PTPRD: variants seen among roughly 807,000 people sequenced by gnomAD.
The protein encoded by PTPRD is receptor-type tyrosine-protein phosphatase delta.
PTPRD carries 34 observed loss-of-function variants against 214.5 expected under a neutral mutation model. The observed-to-expected ratio is 0.16, with a 90% CI of 0.12 to 0.21. The LOEUF (loss-of-function observed/expected upper bound fraction) is 0.21. PTPRD is among the 10% of genes least tolerant of loss of function. PTPRD has a pLI of 1.00. For missense variants in PTPRD, 2,545 were observed against 2,398.7 expected (o/e 1.06, Z -1.27); for synonymous variants, 1,128 against 845.7 (o/e 1.33, Z -5.79).
In PTPRD at chr9:9,192,734, T is replaced by C. The variant is rs1008808111; in HGVS notation, c.-202-9371A>G. On this transcript the variant is annotated intron_variant, in intron 9 of 45. Coordinates refer to ENST00000381196, the MANE Select transcript of PTPRD (RefSeq NM_002839.4). ...CCTTTTTCCATGACTGATAAGAAAA[T>C]GAAGGCTAGATACAGATTTGGGAAA... Among the ~76,000 whole-genome samples the C allele has an allele frequency of 1.1e-4, 16 of 151,954 alleles. No individual in the cohort carries two copies. In the East Asian group the frequency reaches 3.1e-3, roughly 30 times the overall value.
intron 11 of PTPRD, among the ~76,000 whole-genome samples, chr9:9,009,761 A>G (rs1264662555): frequency 6.6e-6 from 1 of 152,072 alleles, no homozygotes. Context: ...ACATCTAGGC[A>G]TAAAGCATTT....
chr9:10,436,313 A>G (rs2098717221), intron 2 of PTPRD, among the ~76,000 whole-genome samples: 1 of 151,770 alleles, frequency 6.6e-6, no homozygotes, highest in South Asian at 2.1e-4. Context: ...CAGTGTCCAC[A>G]TTAGCATTAG....
rs76032048 is a variant in PTPRD at position 10,137,701 on chromosome 9, TAAAAAAAA to T, written c.-544-103919_-544-103912del. Among the ~76,000 whole-genome samples, 3 of 72,040 alleles carry T rather than the reference TAAAAAAAA, an allele frequency of 4.2e-5. 1 individual carries two copies. Among genetic ancestry groups the T allele is most frequent in the African/African-American group, 1.9e-4 (3 of 15,944 alleles). The allele number at this position is 72,040 out of a possible 152,430, so 47.3% of individuals were successfully genotyped here. ...ATGTACCCTAAAACTTAGAGTATAATAAAAAAAAAAAAAAAAAAAAGAAATCATAACCA... is the reference window on the plus strand; with the variant it reads ...ATGTACCCTAAAACTTAGAGTATAATAAAAAAAAAAAAGAAATCATAACCA... On this transcript the variant is annotated intron_variant, in intron 3 of 45. Transcript: ENST00000381196.
chr9:9,587,876 G>C (rs1013670010), intron 7 of PTPRD, among the ~76,000 whole-genome samples: 1 of 151,970 alleles, frequency 6.6e-6, no homozygotes, highest in African/African-American at 2.4e-5. Context: ...GGAGGATAAA[G>C]AGAGGTTGAT....
chr9:10,308,396 T>G (rs2096156559), intron 3 of PTPRD, among the ~76,000 whole-genome samples: 1 of 152,036 alleles, frequency 6.6e-6, no homozygotes, highest in Non-Finnish European at 1.5e-5. Flanking sequence ...AATTCTTGGT[T>G]ATATTTTCCA....
intron 9 of PTPRD, among the ~76,000 whole-genome samples, chr9:9,311,514 T>G (rs996480428): frequency 6.6e-6 from 1 of 152,178 alleles, no homozygotes; most frequent in Admixed American, 6.5e-5. Flanking sequence ...AATCCTGAAT[T>G]ACATTAACAG....
At chr9:9,823,033 A>C (rs537880396) in intron 5 of PTPRD, among the ~76,000 whole-genome samples, 18 of 152,296 alleles carry the variant, frequency 1.2e-4, no homozygotes, top group African/African-American at 4.1e-4. Context: ...TTATTGCAGC[A>C]CTATTCACAA....
chr9:9,475,126 A>T (rs1270700817), intron 8 of PTPRD, among the ~76,000 whole-genome samples: 1 of 152,224 alleles, frequency 6.6e-6, no homozygotes, highest in East Asian at 1.9e-4. Context: ...GGTTCTCTTA[A>T]CATAGTTTCT....
chr9:9,362,918 G>C (rs1415010942), intron 9 of PTPRD, among the ~76,000 whole-genome samples: 1 of 151,218 alleles, frequency 6.6e-6, no homozygotes, highest in African/African-American at 2.4e-5. Flanking sequence ...TTGGTGTAAA[G>C]AGTGGTCAGT....
intron 11 of PTPRD, chr9:8,858,093 CCCTCCTCCT>C (rs773178175): frequency 3.0e-4 from 49 of 162,862 alleles, no homozygotes; most frequent in Middle Eastern, 2.3e-3. Context: ...TGTCTCCTCC[CCCTCCTCCT>C]CCTCCTCCTC....
At chr9:10,348,141 C>A (rs2097121866) in intron 2 of PTPRD, among the ~76,000 whole-genome samples, 1 of 152,140 alleles carries the variant, frequency 6.6e-6, no homozygotes, top group South Asian at 2.1e-4. Flanking sequence ...TTATGTCAAA[C>A]CTTATATTTG....
chr9:10,350,552 A>G (rs1018758049), intron 2 of PTPRD, among the ~76,000 whole-genome samples: 1 of 152,172 alleles, frequency 6.6e-6, no homozygotes, highest in African/African-American at 2.4e-5. Flanking sequence ...TACAATATAC[A>G]AAACATATTG....
chr9:8,936,437 A>AAAAAAAAAAAAAAAAAAAAAAAAG (rs1567114141), intron 11 of PTPRD, among the ~76,000 whole-genome samples: 1 of 149,648 alleles, frequency 6.7e-6, no homozygotes, highest in Non-Finnish European at 1.5e-5. Flanking sequence ...CAAAAAAAAA[A>AAAAAAAAAAAAAAAAAAAAAAAAG]AAAAAAAAAA....
intron 11 of PTPRD, among the ~76,000 whole-genome samples, chr9:8,805,136 G>T (rs1304451861): frequency 6.6e-6 from 1 of 152,074 alleles, no homozygotes; most frequent in African/African-American, 2.4e-5. Context: ...AAAATAAGAA[G>T]AATGAAAGAA....
intron 11 of PTPRD, among the ~76,000 whole-genome samples, chr9:8,778,327 A>C (rs2095562237): frequency 6.6e-6 from 1 of 152,100 alleles, no homozygotes; most frequent in Non-Finnish European, 1.5e-5. Flanking sequence ...TGAGACACCA[A>C]AGTTCCTTTC....
At chr9:8,363,744 C>T (rs942334926) in intron 39 of PTPRD, among the ~76,000 whole-genome samples, 47 of 152,184 alleles carry the variant, frequency 3.1e-4, no homozygotes. Flanking sequence ...GAAGGTCCAG[C>T]AACTTAGGAG....
At chr9:8,617,114 T>G (rs139328969) in intron 14 of PTPRD, among the ~76,000 whole-genome samples, 217 of 152,224 alleles carry the variant, frequency 1.4e-3, no homozygotes, top group African/African-American at 5.1e-3. Flanking sequence ...AAAAATATAT[T>G]TTCATTTGAT....
intron 8 of PTPRD, among the ~76,000 whole-genome samples, chr9:9,483,144 CTTCT>C (rs1193368871): frequency 6.6e-6 from 1 of 152,090 alleles, no homozygotes; most frequent in Non-Finnish European, 1.5e-5. Context: ...ACAATAAATG[CTTCT>C]TTGTCTTAGA....
chr9:9,405,933 G>T (rs1198188422), intron 8 of PTPRD, among the ~76,000 whole-genome samples: 7 of 151,792 alleles, frequency 4.6e-5, no homozygotes, highest in Non-Finnish European at 8.8e-5. Flanking sequence ...CATATTTTCT[G>T]CATGTTTACT....
Sources: allele counts gnomAD v4.1 joint callset (sites outside exome capture counted in the v4.1 genomes callset), GRCh38; gene constraint gnomAD v4.1.1; transcripts MANE v1.5; gene names NCBI Gene and HGNC (gene_info 2026-07-23, HGNC 2026-07-21).